CELF2: variants seen among roughly 807,000 people sequenced by gnomAD.
CELF2 encodes the protein CUGBP Elav-like family member 2.
In CELF2, 8 loss-of-function variants were observed where a neutral mutation model predicts 62.6. The ratio of observed to expected loss-of-function variants is 0.13; its 90% CI spans 0.07 to 0.23. The LOEUF is 0.23. CELF2 is among the 10% of genes least tolerant of loss of function. The pLI is 1.00. For synonymous variants in CELF2, 258 were observed against 250.0 expected, an observed-to-expected ratio of 1.03 and a Z score of -0.30; for missense variants, 333 against 671.0, an observed-to-expected ratio of 0.50 and a Z score of 5.56.
intron 1 of CELF2, among the ~76,000 whole-genome samples, chr10:10,841,547 T>C (rs79598260): frequency 7.2e-6 from 1 of 138,322 alleles, no homozygotes; most frequent in South Asian, 2.2e-4. Context: ...CCTTTGCATC[T>C]TTTTTTTTTT....
intron 8 of CELF2, among the ~76,000 whole-genome samples, chr10:11,287,835 G>A (rs1020465410): frequency 6.6e-6 from 1 of 152,222 alleles, no homozygotes; most frequent in Admixed American, 6.5e-5. Flanking sequence ...ACCCTTCAAG[G>A]TGGGGTTCAG....
At chr10:10,801,033 AAAG>A (rs1328268326) in intron 1 of CELF2, among the ~76,000 whole-genome samples, 1 of 151,960 alleles carries the variant, frequency 6.6e-6, no homozygotes, top group African/African-American at 2.4e-5. Flanking sequence ...TATCGCCCCC[AAAG>A]GCATTTTTAG....
the CELF2 span, among the ~76,000 whole-genome samples, chr10:10,513,858 TCTAAGCAAAGCCTAGGTTTCTCC>T: frequency 6.6e-6 from 1 of 152,260 alleles, no homozygotes; most frequent in South Asian, 2.1e-4. Flanking sequence ...TAGATCCCTC[TCTAAGCAAAGCCTAGGTTTCTCC>T]CTAAGCAAAG....
At chr10:11,099,152 A>G (rs2050737595) in intron 1 of CELF2, among the ~76,000 whole-genome samples, 1 of 152,204 alleles carries the variant, frequency 6.6e-6, no homozygotes, top group Non-Finnish European at 1.5e-5. Flanking sequence ...CAAGGGATAC[A>G]TGAAATGTGA....
intron 1 of CELF2, among the ~76,000 whole-genome samples, chr10:11,049,179 A>G (rs1195934977): frequency 6.6e-6 from 1 of 150,746 alleles, no homozygotes; most frequent in East Asian, 1.9e-4. Context: ...AGCCTTCCAG[A>G]TATTTTCAAT....
the CELF2 span, among the ~76,000 whole-genome samples, chr10:10,598,177 A>G: frequency 1.3e-5 from 2 of 152,206 alleles, no homozygotes; most frequent in African/African-American, 4.8e-5. Flanking sequence ...TTCAAATCTT[A>G]TGTTTCATCA....
intron 6 of CELF2, 149 bp downstream of exon 6, chr10:11,266,826 CTTCT>C: frequency 2.0e-6 from 1 of 492,238 alleles, no homozygotes; most frequent in Non-Finnish European, 3.4e-6. Context: ...TCATTCTCTC[CTTCT>C]CTCTCTCTCT....
chr10:10,732,966 C>A, the CELF2 span, among the ~76,000 whole-genome samples: 8,002 of 152,264 alleles, frequency 0.053, 699 homozygotes, highest in African/African-American at 0.18. Context: ...TCACTACTAA[C>A]AGCTGCTGAT....
the CELF2 span, among the ~76,000 whole-genome samples, chr10:10,682,860 A>G: frequency 2.0e-5 from 3 of 152,106 alleles, no homozygotes; most frequent in African/African-American, 7.2e-5. Context: ...ATTTTGAGTA[A>G]CAGTATTAGG....
chr10:11,225,081 T>TTAG (rs922031481), intron 3 of CELF2, among the ~76,000 whole-genome samples: 1 of 152,116 alleles, frequency 6.6e-6, no homozygotes, highest in Non-Finnish European at 1.5e-5. Flanking sequence ...GGAAGTCTCA[T>TTAG]TAGTAGTATG....
intron 2 of CELF2, among the ~76,000 whole-genome samples, chr10:10,930,260 A>G (rs974782174): frequency 6.6e-6 from 1 of 152,230 alleles, no homozygotes; most frequent in Non-Finnish European, 1.5e-5. Context: ...ATGGAACATG[A>G]TAAAGAAATT....
At position 10,913,359 on chromosome 10, in the gene CELF2, A is replaced by G. The variant is rs145499737; in HGVS notation, c.54-6605A>G. On this transcript the variant is annotated intron_variant, in intron 1 of 13. Coordinates refer to the CELF2 transcript ENST00000636488. Reference sequence around the variant, plus strand: ...AAAATTAACTGTCCTGAATTAATATATATGCCTTTGTAATGATGTCTTTTT... The same window carrying G: ...AAAATTAACTGTCCTGAATTAATATGTATGCCTTTGTAATGATGTCTTTTT... Among the ~76,000 whole-genome samples the G allele has an allele frequency of 2.6e-3, 339 of 130,582 alleles. 6 individuals carry two copies. The highest frequency in any genetic ancestry group is 9.3e-3 in the African/African-American group (320 of 34,252). The allele number at this position is 130,582 out of a possible 152,430, so 85.7% of individuals were successfully genotyped here. A position where few individuals can be genotyped will look rare whatever the true frequency, so the allele number is the denominator to read the frequency against.
At chr10:10,523,426 A>C in the CELF2 span, among the ~76,000 whole-genome samples, 1 of 152,236 alleles carries the variant, frequency 6.6e-6, no homozygotes. Context: ...TTGTATTAAC[A>C]GTCAGGAGGT....
intron 1 of CELF2, among the ~76,000 whole-genome samples, chr10:10,847,944 C>T (rs2059120750): frequency 6.6e-6 from 1 of 152,154 alleles, no homozygotes. Flanking sequence ...AATTAAAGTA[C>T]ATTTAATTTC....
the CELF2 span, among the ~76,000 whole-genome samples, chr10:10,463,909 G>A: frequency 6.7e-6 from 1 of 150,282 alleles, no homozygotes; most frequent in Non-Finnish European, 1.5e-5. Context: ...TAATGGGGAG[G>A]TTGTCAAAAA....
At position 11,165,639 on chromosome 10, in the gene CELF2, C is replaced by A. The variant is rs193177325; in HGVS notation, c.228C>A (p.Ile76=). 680 of 1,614,134 alleles carry A rather than the reference C, an allele frequency of 4.2e-4. 5 individuals carry two copies. The African/African-American group carries it at 8.1e-3, about 19-fold the overall frequency. Residue 76 remains isoleucine (I), a synonymous_variant, in exon 2 of 13, where the codon ATC becomes ATA. Transcript: ENST00000633077. The surrounding 1 kb of genome is among the most constrained non-coding windows in gnomAD (Gnocchi z 7.4). ...LFEPYGAVYQ[I]NVLRDRSQNP... ...AGCCTTACGGAGCCGTCTACCAGAT[C>A]AACGTCCTCCGGGACCGGAGTCAGA...
intron 2 of CELF2, among the ~76,000 whole-genome samples, chr10:10,977,518 TTGAC>T (rs2051490528): frequency 6.6e-6 from 1 of 152,226 alleles, no homozygotes; most frequent in Non-Finnish European, 1.5e-5. Context: ...GTTCCCTTCT[TTGAC>T]TGTCTTTCCT....
intron 1 of CELF2, among the ~76,000 whole-genome samples, chr10:10,813,285 C>A (rs2056117098): frequency 6.6e-6 from 1 of 152,196 alleles, no homozygotes; most frequent in African/African-American, 2.4e-5. Context: ...TCCTGCAGGG[C>A]TGAAGATTGC....
rs1484194038 is a variant in CELF2, at chr10:11,220,194, T to C, written c.354+2687T>C. On this transcript the variant is annotated intron_variant, in intron 3 of 12. Coordinates refer to ENST00000633077, the MANE Select transcript of CELF2 (RefSeq NM_001326342.2). The surrounding 1 kb of genome is among the most constrained non-coding windows in gnomAD (Gnocchi z 4.4). ...CACTTGCTGCCTTTTTTCTAAAGTG[T>C]CCAAAACTTTCGATTTAAAACAAGA... Among the ~76,000 whole-genome samples, 1 of 152,230 alleles carries C rather than the reference T, an allele frequency of 6.6e-6. No individual in the cohort carries two copies. Among genetic ancestry groups the C allele is most frequent in the Non-Finnish European group, 1.5e-5 (1 of 68,042 alleles).
Sources: gnomAD v4.1 joint callset for allele counts (sites outside exome capture counted in the v4.1 genomes callset) on GRCh38, gnomAD v4.1.1 for gene constraint, Gnocchi (gnomAD v3.1) non-coding constraint, MANE v1.5 for transcripts, NCBI Gene and HGNC (gene_info 2026-07-23, HGNC 2026-07-21) for gene names.